The following NOTCH1 variants were observed in gnomAD, a reference collection of about 807,000 sequenced individuals.
NOTCH1 encodes notch receptor 1.
Under a neutral mutation model 254.8 loss-of-function variants are expected in NOTCH1, and 37 were observed. The ratio of observed to expected loss-of-function variants is 0.15; its 90% CI spans 0.11 to 0.19. The LOEUF is 0.19. Among genes scored for constraint, NOTCH1 ranks in the 10% least tolerant of loss-of-function variants. The pLI, the probability that NOTCH1 is intolerant of heterozygous loss-of-function variation, is 1.00. For synonymous variants in NOTCH1, 1,731 were observed against 1,618.1 expected, an observed-to-expected ratio of 1.07 and a Z score of -1.68; for missense variants, 2,972 against 3,708.6, an observed-to-expected ratio of 0.80 and a Z score of 5.16.
At position 136,495,487 on chromosome 9, in the gene NOTCH1, T is replaced by G. The variant is rs894724038; in HGVS notation, c.*584A>C. ...GCTTTCACTTGTTTCCTATTTCAGATGCAAATTAATCCGCGTGCGGAAGGT... is the reference window on the plus strand; with the variant it reads ...GCTTTCACTTGTTTCCTATTTCAGAGGCAAATTAATCCGCGTGCGGAAGGT... On this transcript the variant is annotated 3_prime_UTR_variant, in exon 34 of 34. Coordinates refer to ENST00000651671, the MANE Select transcript of NOTCH1 (RefSeq NM_017617.5). 1.0e-5 allele frequency: 4 copies of G among 399,358 alleles called. No individual in the cohort carries two copies. Among genetic ancestry groups the G allele is most frequent in the African/African-American group, 4.1e-5 (2 of 48,632 alleles). 24.7% of individuals were successfully genotyped at this position (399,358 alleles called of 1,614,324 possible).
At chr9:136,525,839 G>A (rs951279549) in intron 2 of NOTCH1, among the ~76,000 whole-genome samples, 2 of 152,270 alleles carry the variant, frequency 1.3e-5, no homozygotes, top group Non-Finnish European at 2.9e-5. Flanking sequence ...AGGCCCGGGA[G>A]GCATCTGTCT....
rs1343884373 is a variant in NOTCH1, at chr9:136,505,774, G to A, written c.4122C>T (p.Cys1374=). The A allele has an allele frequency of 1.3e-6, 2 of 1,586,766 alleles. No individual in the cohort carries two copies. Among genetic ancestry groups the A allele is most frequent in the Non-Finnish European group, 8.6e-7 (1 of 1,166,208 alleles). ...ATTCGGGGCCCGTGAAGGGGCCCAGGCACAGGCAGGTGGGGCTGCGCGGGC... is the reference window on the plus strand; with the variant it reads ...ATTCGGGGCCCGTGAAGGGGCCCAGACACAGGCAGGTGGGGCTGCGCGGGC... ...ISGPRSPTCL[C]LGPFTGPECQ... is the part of the protein sequence containing the mutation. Residue 1374 remains cysteine (C), a synonymous_variant, in exon 25 of 34, where the codon TGC becomes TGT. Coordinates refer to ENST00000651671, the MANE Select transcript of NOTCH1 (RefSeq NM_017617.5).
rs1281553206 is a variant in NOTCH1 at position 136,496,591 on chromosome 9, T to C, written c.7148A>G (p.Gln2383Arg). The C allele has an allele frequency of 1.2e-6, 2 of 1,612,824 alleles. No individual in the cohort carries two copies. The highest frequency in any genetic ancestry group is 1.1e-5 in the South Asian group (1 of 91,090). ...LATQPHLVQT[Q>R]QVQPQNLQMQ... The stretch of plus-strand genomic sequence containing the variant: ...CTGTAAGTTTTGTGGCTGCACCTGC[T>C]GGGTCTGCACCAGGTGAGGCTGGGT... Residue 2383 changes from glutamine (Q) to arginine (R), a missense_variant, in exon 34 of 34, where the codon CAG becomes CGG. By Grantham distance (43) the Gln-to-Arg change is conservative (BLOSUM62 1). Coordinates refer to ENST00000651671, the MANE Select transcript of NOTCH1 (RefSeq NM_017617.5).
At chr9:136,511,372 C>A in intron 15 of NOTCH1, 101 bp from the exon 16 acceptor site, 1 of 1,443,338 alleles carries the variant, frequency 6.9e-7, no homozygotes, top group Non-Finnish European at 9.3e-7. Flanking sequence ...GTGCCGTCTG[C>A]TGGTCCCGCC....
intron 2 of NOTCH1, among the ~76,000 whole-genome samples, chr9:136,531,597 C>T (rs1442710339): frequency 3.9e-5 from 6 of 152,298 alleles, no homozygotes; most frequent in African/African-American, 1.4e-4. Context: ...GAGAGAGACC[C>T]AGCCTCCCGC....
In NOTCH1 at chr9:136,497,054, C is replaced by T. The variant is rs202096917; in HGVS notation, c.6685G>A (p.Val2229Met). The T allele has an allele frequency of 3.8e-4, 604 of 1,609,060 alleles. No individual in the cohort carries two copies. The highest frequency in any genetic ancestry group is 4.9e-4 in the Non-Finnish European group (573 of 1,177,978). Residue 2229 changes from valine to methionine, a missense_variant, in exon 34 of 34, where the codon GTG (valine) becomes ATG (methionine). By Grantham distance (21) the Val-to-Met change is conservative. Transcript: ENST00000651671. ...ATCCCAGGCAGGTGGTTGAGGGGCA[C>T]GGACGGAGACTGCTGGAACGGGGAG... ...LPSPFQQSPS[V>M]PLNHLPGMPD...
Position 136,545,825 on chromosome 9 carries a change from C to G in NOTCH1, c.-39G>C, listed in dbSNP as rs1589085095. On this transcript the variant is annotated 5_prime_UTR_variant, in exon 1 of 34. Coordinates refer to ENST00000651671, the MANE Select transcript of NOTCH1 (RefSeq NM_017617.5). This position sits in a 1 kb window ranked among gnomAD's most constrained non-coding sequence, Gnocchi z 6.8. ...CTGCCCTCTGCGCCCGGGCGGCGGC[C>G]TCCTGCGCTGGCCGGCGGGGCTGGG... The G allele has an allele frequency of 8.5e-7, 1 of 1,172,554 alleles. No homozygotes were observed. The highest frequency in any genetic ancestry group is 3.7e-5 in the East Asian group (1 of 26,896). 72.6% of individuals were successfully genotyped at this position (1,172,554 alleles called of 1,614,324 possible).
Position 136,508,416 on chromosome 9 carries a change from C to T in NOTCH1, c.3172-31G>A, listed in dbSNP as rs374335452. ...GACAGATTGGGGTCAGCTGGGTGCC[C>T]GCGCCCCGGCCATTTCCCCGGTAGC... On this transcript the variant is annotated intron_variant, in intron 19 of 33. Transcript: ENST00000651671. 4.3e-5 allele frequency: 70 copies of T among 1,612,566 alleles called. No individual in the cohort carries two copies. The Admixed American group carries it at 8.3e-4, about 19-fold the overall frequency.
chr9:136,497,118 A>G lies in NOTCH1; in HGVS notation c.6621T>C (p.His2207=). The G allele has an allele frequency of 1.2e-5, 19 of 1,612,184 alleles. No individual in the cohort carries two copies. The highest frequency in any genetic ancestry group is 2.2e-5 in the East Asian group (1 of 44,858). The change falls in exon 34 of 34, where the codon CAT becomes CAC. Residue 2207 remains histidine, a synonymous_variant. Coordinates refer to ENST00000651671, the MANE Select transcript of NOTCH1 (RefSeq NM_017617.5). ...GCGAGGCCACGTCTGACAGGTAGCC[A>G]TGGGGTGACTCCAGGGAGTCCACGG... ...LSPVDSLESP[H]GYLSDVASPP... is the part of the protein sequence containing the mutation.
chr9:136,524,041 A>C (rs986085934), intron 2 of NOTCH1, 62 bp from the exon 3 acceptor site: 351 of 1,530,130 alleles, frequency 2.3e-4, no homozygotes, highest in Non-Finnish European at 3.0e-4. Context: ...CCCGCCACTC[A>C]GCACCGGGAA....
chr9:136,497,586 G>A, intron 33 of NOTCH1, 28 bp from the exon 34 acceptor site: 4 of 1,539,768 alleles, frequency 2.6e-6, no homozygotes, highest in Non-Finnish European at 3.5e-6. Context: ...GGGCCGGTGA[G>A]GGGGGCCAGG....
Position 136,497,019 on chromosome 9 carries a change from G to C in NOTCH1, c.6720C>G (p.Thr2240=). The C allele has an allele frequency of 6.2e-7, 1 of 1,609,626 alleles. No homozygotes were observed. Among genetic ancestry groups the C allele is most frequent in the East Asian group, 2.2e-5 (1 of 44,812 alleles). Residue 2240 remains threonine (T), a synonymous_variant, in exon 34 of 34, where the codon ACC becomes ACG. Transcript: ENST00000651671. ...CGTTCAGGTGCCCGATGCCCAGGTG[G>C]GTGTCGGGCATCCCAGGCAGGTGGT... ...PLNHLPGMPD[T]HLGIGHLNVA... is the part of the protein sequence containing the mutation.
Position 136,509,058 on chromosome 9 carries a change from C to T in NOTCH1, c.2983G>A (p.Gly995Ser), listed in dbSNP as rs868369610. 43 of 1,557,858 alleles carry T rather than the reference C, an allele frequency of 2.8e-5. No homozygotes were observed. The highest frequency in any genetic ancestry group is 7.6e-5 in the Admixed American group (4 of 52,326). Residue 995 changes from glycine (G) to serine (S), a missense_variant, in exon 19 of 34, where the codon GGT (glycine) becomes AGT (serine). By Grantham distance (56) the Gly-to-Ser change is moderately conservative. This residue lies in a region of NOTCH1 where 1,343 missense variants were observed against 1,557.0 expected (regional missense o/e 0.86). Coordinates refer to ENST00000651671, the MANE Select transcript of NOTCH1 (RefSeq NM_017617.5). ...TTGATGCCGTCCACGCAGGTGCCAC[C>T]GTTGAAGCAGGAGCTGCAAGGGGGT... ...PDCTESSCFN[G>S]GTCVDGINSF...
At chr9:136,527,067 A>G (rs1843472726) in intron 2 of NOTCH1, among the ~76,000 whole-genome samples, 1 of 152,156 alleles carries the variant, frequency 6.6e-6, no homozygotes, top group Admixed American at 6.5e-5. Flanking sequence ...GAGCCTGGAG[A>G]AAGTTTTGAG....
rs2133314842 is a variant in NOTCH1, at chr9:136,496,305, T to C, written c.7434A>G (p.Ala2478=). The C allele has an allele frequency of 1.3e-6, 2 of 1,595,962 alleles. No individual in the cohort carries two copies. The highest frequency in any genetic ancestry group is 1.7e-6 in the Non-Finnish European group (2 of 1,170,968). The change falls in exon 34 of 34, where the codon GCA becomes GCG. Residue 2478 remains alanine, a synonymous_variant. Transcript: ENST00000651671. The part of the protein sequence containing the change: ...LPSSLVPPVT[A]AQFLTPPSQH... ...GCGAGGGGGGCGTCAGGAACTGGGC[T>C]GCGGTCACGGGTGGGACCAGCGAGG... is the stretch of plus-strand genomic sequence containing the variant.
chr9:136,495,942 C>G lies in NOTCH1; in HGVS notation c.*129G>C, dbSNP rs748246063. 2.6e-5 allele frequency: 26 copies of G among 1,010,588 alleles called. No homozygotes were observed. The highest frequency in any genetic ancestry group is 3.2e-5 in the Non-Finnish European group (23 of 713,544). 62.6% of individuals were successfully genotyped at this position (1,010,588 alleles called of 1,614,324 possible). On this transcript the variant is annotated 3_prime_UTR_variant, in exon 34 of 34. Coordinates refer to ENST00000651671, the MANE Select transcript of NOTCH1 (RefSeq NM_017617.5). Reference sequence around the variant, plus strand: ...AATAAATACTAAAAAAAATTAAAATCCTCGTTCTTATTTTGTATAAAAACA... The same window carrying G: ...AATAAATACTAAAAAAAATTAAAATGCTCGTTCTTATTTTGTATAAAAACA...
intron 26 of NOTCH1, among the ~76,000 whole-genome samples, 188 bp downstream of exon 26, chr9:136,504,485 G>C (rs1843045516): frequency 6.6e-6 from 1 of 152,256 alleles, no homozygotes; most frequent in East Asian, 1.9e-4. Flanking sequence ...CCCTGAGCTG[G>C]AATGCTGCCT....
intron 4 of NOTCH1, among the ~76,000 whole-genome samples, chr9:136,522,249 G>T (rs190477820): frequency 0.012 from 1,828 of 152,226 alleles, 16 homozygotes; most frequent in African/African-American, 0.032. Context: ...AGTGCTGGGA[G>T]TACAGGCGTG....
At position 136,518,186 on chromosome 9, in the gene NOTCH1, C is replaced by T. The variant is rs746848165; in HGVS notation, c.1206G>A (p.Ser402=). 24 of 1,602,982 alleles carry T rather than the reference C, an allele frequency of 1.5e-5. No homozygotes were observed. Among genetic ancestry groups the T allele is most frequent in the Middle Eastern group, 1.6e-4 (1 of 6,062 alleles). Residue 402 remains serine, a synonymous_variant, in exon 7 of 34, where the codon TCG becomes TCA. Coordinates refer to ENST00000651671, the MANE Select transcript of NOTCH1 (RefSeq NM_017617.5). ...GGCTGCAGGCCGGGCCCGTGTACCC[C>T]GAGGGGCAGGTGCAGATGGCCTTGC... ...VNGKAICTCP[S]GYTGPACSQD... is the part of the protein sequence containing the mutation.
Sources: allele counts gnomAD v4.1 joint callset (sites outside exome capture counted in the v4.1 genomes callset), GRCh38; gene constraint gnomAD v4.1.1; regional missense constraint gnomAD v4.1.1; non-coding constraint Gnocchi (gnomAD v3.1); transcripts MANE v1.5; gene names NCBI Gene and HGNC (gene_info 2026-07-23, HGNC 2026-07-21).